Variants in SLC5A5 observed in about 807,000 individuals in gnomAD.
SLC5A5 encodes solute carrier family 5 member 5.
In SLC5A5, 56 loss-of-function variants were observed where a neutral mutation model predicts 68.6. That is an observed-to-expected ratio of 0.82 (90% CI 0.66 to 1.02). SLC5A5 has a LOEUF of 1.02. SLC5A5 is among the 50% of genes least tolerant of loss of function. SLC5A5 has a pLI of 0.00. For synonymous variants in SLC5A5, 398 were observed against 373.0 expected (o/e 1.07, Z -0.77); for missense variants, 807 against 859.8 (o/e 0.94, Z 0.77).
intron 4 of SLC5A5, among the ~76,000 whole-genome samples, chr19:17,875,563 G>A (rs1215638414): frequency 6.6e-6 from 1 of 150,530 alleles, no homozygotes. Context: ...AGGGGTTCGA[G>A]ACCAGCCTAG....
intron 1 of SLC5A5, among the ~76,000 whole-genome samples, chr19:17,873,911 C>G (rs577106381): frequency 3.3e-5 from 5 of 152,330 alleles, no homozygotes; most frequent in Non-Finnish European, 7.4e-5. Flanking sequence ...AGTGGGAGGG[C>G]GCGTGCACAC....
intron 8 of SLC5A5, 75 bp downstream of exon 8, chr19:17,881,028 T>C: frequency 9.1e-7 from 1 of 1,098,796 alleles, no homozygotes; most frequent in South Asian, 1.2e-5. Flanking sequence ...GCCATCCCTC[T>C]GGGGCATGGA....
At chr19:17,889,802 C>T (rs2030094842) in intron 13 of SLC5A5, among the ~76,000 whole-genome samples, 1 of 152,186 alleles carries the variant, frequency 6.6e-6, no homozygotes, top group Non-Finnish European at 1.5e-5. Context: ...CGGCGCTATC[C>T]CTGGTGCTGA....
intron 9 of SLC5A5, 32 bp from the exon 10 acceptor site, chr19:17,882,117 C>A: frequency 6.2e-7 from 1 of 1,613,148 alleles, no homozygotes; most frequent in Non-Finnish European, 8.5e-7. Context: ...GCAGTCCCTC[C>A]CCGTTGACCG....
In SLC5A5 at chr19:17,872,275, C is replaced by T; in HGVS notation, c.-45C>T. 8.5e-7 allele frequency: 1 copy of T among 1,174,498 alleles called. No individual in the cohort carries two copies. Among genetic ancestry groups the T allele is most frequent in the Non-Finnish European group, 1.1e-6 (1 of 871,788 alleles). The allele number at this position is 1,174,498 out of a possible 1,614,324, so 72.8% of individuals were successfully genotyped here. ...CCCCTGCCAGCTTCCCCCGCTTGAGCACGCAGGGCGTCCGAGGACGCGCTG... is the reference window on the plus strand; with the variant it reads ...CCCCTGCCAGCTTCCCCCGCTTGAGTACGCAGGGCGTCCGAGGACGCGCTG... On this transcript the variant is annotated 5_prime_UTR_variant, in exon 1 of 15. Coordinates refer to ENST00000222248, the MANE Select transcript of SLC5A5 (RefSeq NM_000453.3).
At chr19:17,883,066 C>G (rs143412087) in intron 10 of SLC5A5, among the ~76,000 whole-genome samples, 1 of 151,918 alleles carries the variant, frequency 6.6e-6, no homozygotes, top group Admixed American at 6.6e-5. Flanking sequence ...GTGATCCACC[C>G]GCCTCTGCCT....
chr19:17,882,220 G>A lies in SLC5A5; in HGVS notation c.1242+1G>A, dbSNP rs1241045861. The A allele has an allele frequency of 8.7e-6, 14 of 1,612,850 alleles. No individual in the cohort carries two copies. The highest frequency in any genetic ancestry group is 1.1e-5 in the Non-Finnish European group (13 of 1,179,624). On this transcript the variant is annotated splice_donor_variant, in intron 10 of 14. Transcript: ENST00000222248. LOFTEE classifies it high-confidence loss of function. ...ACTGCTCGGAGGAGGTGTCCTTCAGGTGAGACCCCACCTGCCCCCTGCCCT... is the reference window on the plus strand; with the variant it reads ...ACTGCTCGGAGGAGGTGTCCTTCAGATGAGACCCCACCTGCCCCCTGCCCT...
chr19:17,884,362 A>G (rs1393267310), intron 12 of SLC5A5, among the ~76,000 whole-genome samples: 1 of 152,062 alleles, frequency 6.6e-6, no homozygotes, highest in South Asian at 2.1e-4. Flanking sequence ...CAGGGGTGCA[A>G]TCTCAGCTTA....
In SLC5A5 at chr19:17,883,873, G is replaced by A. The variant is rs761077881; in HGVS notation, c.1353G>A (p.Ala451=). 3.8e-6 allele frequency: 6 copies of A among 1,584,266 alleles called. No homozygotes were observed. Among genetic ancestry groups the A allele is most frequent in the Admixed American group, 1.8e-5 (1 of 55,504 alleles). ...AGGGCGTCCTCGCGGGACTAGGCGC[G>A]GGCTTGGCGCTGTCGCTGTGGGTGG... ...NTPGVLAGLG[A]GLALSLWVAL... The change falls in exon 12 of 15, where the codon GCG becomes GCA. Residue 451 remains alanine (A), a synonymous_variant. Transcript: ENST00000222248.
At chr19:17,881,557 G>A (rs2094320778) in intron 8 of SLC5A5, among the ~76,000 whole-genome samples, 1 of 152,170 alleles carries the variant, frequency 6.6e-6, no homozygotes, top group Non-Finnish European at 1.5e-5. Flanking sequence ...ATGAGCCAAC[G>A]TGCTCAGCCC....
chr19:17,888,230 T>C (rs772634371), intron 12 of SLC5A5, 101 bp from the exon 13 acceptor site: 31 of 1,419,878 alleles, frequency 2.2e-5, no homozygotes, highest in Non-Finnish European at 2.9e-5. Context: ...TGCTAGGCCA[T>C]GGCAGTTGGG....
chr19:17,883,860 C>CG lies in SLC5A5; in HGVS notation c.1343dup (p.Leu449ThrfsTer54). The CG allele has an allele frequency of 6.3e-7, 1 of 1,591,894 alleles. No homozygotes were observed. Among genetic ancestry groups the CG allele is most frequent in the Non-Finnish European group, 8.5e-7 (1 of 1,170,352 alleles). On this transcript the variant is annotated frameshift_variant, in exon 12 of 15. Coordinates refer to ENST00000222248, the MANE Select transcript of SLC5A5 (RefSeq NM_000453.3). ...CGGCTCTGCCCCCAGGGCGTCCTCG[C>CG]GGGACTAGGCGCGGGCTTGGCGCTG...
chr19:17,882,341 T>G (rs1206389639), intron 10 of SLC5A5, 122 bp downstream of exon 10: 24 of 790,850 alleles, frequency 3.0e-5, no homozygotes, highest in Middle Eastern at 3.5e-4. Flanking sequence ...CTTCTATGTT[T>G]TTTTTTTTTT....
At position 17,883,870 on chromosome 19, in the gene SLC5A5, C is replaced by A. The variant is rs773809703; in HGVS notation, c.1350C>A (p.Gly450=). The A allele has an allele frequency of 6.3e-7, 1 of 1,586,726 alleles. No homozygotes were observed. Among genetic ancestry groups the A allele is most frequent in the South Asian group, 1.1e-5 (1 of 88,600 alleles). Residue 450 remains glycine (G), a synonymous_variant, in exon 12 of 15, where the codon GGC becomes GGA. Transcript: ENST00000222248. ...CCCAGGGCGTCCTCGCGGGACTAGG[C>A]GCGGGCTTGGCGCTGTCGCTGTGGG... is the stretch of plus-strand genomic sequence containing the variant. The part of the protein sequence containing the change: ...CNTPGVLAGL[G]AGLALSLWVA...
At chr19:17,891,309 G>C (rs1323333791) in intron 14 of SLC5A5, among the ~76,000 whole-genome samples, 1 of 152,080 alleles carries the variant, frequency 6.6e-6, no homozygotes, top group Non-Finnish European at 1.5e-5. Flanking sequence ...GAGTTCAAGC[G>C]ATTCTCCTGC....
At chr19:17,874,636 C>T in intron 3 of SLC5A5, 28 bp from the exon 4 acceptor site, 1 of 1,613,580 alleles carries the variant, frequency 6.2e-7, no homozygotes, top group Non-Finnish European at 8.5e-7. Context: ...CGCCCAGGGG[C>T]CTAACAGGGG....
intron 14 of SLC5A5, among the ~76,000 whole-genome samples, chr19:17,892,696 GAGCA>G (rs2030232937): frequency 1.4e-5 from 2 of 143,340 alleles, no homozygotes; most frequent in Non-Finnish European, 3.0e-5. Flanking sequence ...GAGAGAGAGA[GAGCA>G]AGCTAAAAAG....
intron 7 of SLC5A5, 41 bp from the exon 8 acceptor site, chr19:17,880,824 G>T: frequency 6.8e-7 from 1 of 1,461,982 alleles, no homozygotes; most frequent in South Asian, 1.1e-5. Flanking sequence ...CCGGTCCTCG[G>T]GGTGCAGCTG....
At chr19:17,882,592 T>C (rs951932706) in intron 10 of SLC5A5, among the ~76,000 whole-genome samples, 14 of 151,360 alleles carry the variant, frequency 9.2e-5, no homozygotes, top group South Asian at 2.1e-4. Context: ...CTCAGCTCGC[T>C]GCAACCTCCA....
Sources: allele counts gnomAD v4.1 joint callset (sites outside exome capture counted in the v4.1 genomes callset), GRCh38; gene constraint gnomAD v4.1.1; transcripts MANE v1.5; gene names NCBI Gene and HGNC (gene_info 2026-07-23, HGNC 2026-07-21).